The following SCTR variants were observed in gnomAD, a reference collection of about 807,000 sequenced individuals.
SCTR encodes secretin receptor, also known as pancreatic secretin receptor.
In SCTR, 56 loss-of-function variants were observed where a neutral mutation model predicts 60.8. That is an observed-to-expected ratio of 0.92 (90% CI 0.74 to 1.15). The LOEUF is 1.15. SCTR is among the 50% of genes most tolerant of loss of function. SCTR has a pLI of 0.00. For synonymous variants in SCTR, 202 were observed against 217.0 expected, an observed-to-expected ratio of 0.93 and a Z score of 0.61; for missense variants, 562 against 550.4, an observed-to-expected ratio of 1.02 and a Z score of -0.21.
chr2:119,505,372 A>G (rs1433946897), intron 1 of SCTR, among the ~76,000 whole-genome samples: 1 of 152,056 alleles, frequency 6.6e-6, no homozygotes, highest in Non-Finnish European at 1.5e-5. Flanking sequence ...ATCTAATGTT[A>G]AATGACTAGT....
chr2:119,470,301 C>T (rs73951116), intron 4 of SCTR, among the ~76,000 whole-genome samples: 4,696 of 152,186 alleles, frequency 0.031, 226 homozygotes, highest in African/African-American at 0.11. Context: ...AAAAGAAAAG[C>T]AACTAATACA....
At chr2:119,492,261 T>C (rs1326825999) in intron 2 of SCTR, among the ~76,000 whole-genome samples, 2 of 152,248 alleles carry the variant, frequency 1.3e-5, no homozygotes, top group African/African-American at 4.8e-5. Flanking sequence ...TTTTGTAATA[T>C]GCAACAAATA....
At chr2:119,465,753 G>T (rs372567781) in intron 5 of SCTR, 36 bp downstream of exon 5, 4 of 1,408,802 alleles carry the variant, frequency 2.8e-6, no homozygotes, top group African/African-American at 2.8e-5. Context: ...TACCTGAGGA[G>T]GGCTGGGGTA....
At chr2:119,481,966 A>G (rs1677629331) in intron 2 of SCTR, among the ~76,000 whole-genome samples, 1 of 152,286 alleles carries the variant, frequency 6.6e-6, no homozygotes, top group East Asian at 1.9e-4. Flanking sequence ...CTGTAATCCC[A>G]TGGCGGTGCC....
At chr2:119,446,936 C>T in intron 10 of SCTR, 51 bp from the exon 11 acceptor site, 1 of 1,388,382 alleles carries the variant, frequency 7.2e-7, no homozygotes, top group Non-Finnish European at 9.4e-7. Flanking sequence ...TGCGCCCTTT[C>T]TCCTCCTGTA....
intron 1 of SCTR, among the ~76,000 whole-genome samples, chr2:119,509,208 A>C (rs915145636): frequency 6.6e-6 from 1 of 152,116 alleles, no homozygotes; most frequent in Non-Finnish European, 1.5e-5. Flanking sequence ...GGTGTAGAAG[A>C]CTGAACCTAA....
At chr2:119,502,401 C>T (rs779377511) in intron 1 of SCTR, among the ~76,000 whole-genome samples, 1 of 152,142 alleles carries the variant, frequency 6.6e-6, no homozygotes, top group Non-Finnish European at 1.5e-5. Flanking sequence ...AAGAGACATA[C>T]CATGTTCATG....
intron 2 of SCTR, 138 bp from the exon 3 acceptor site, chr2:119,479,056 C>T (rs999078075): frequency 3.4e-6 from 5 of 1,479,596 alleles, no homozygotes; most frequent in African/African-American, 1.4e-5. Context: ...GGTGCTGACT[C>T]CTCAGGATCA....
intron 9 of SCTR, among the ~76,000 whole-genome samples, chr2:119,449,977 G>A (rs1683085454): frequency 7.2e-5 from 1 of 13,848 alleles, no homozygotes. Context: ...GGGAGGGAGG[G>A]AAGGAAGGAA....
chr2:119,506,003 A>G (rs1400591017), intron 1 of SCTR, among the ~76,000 whole-genome samples: 1 of 152,204 alleles, frequency 6.6e-6, no homozygotes, highest in Non-Finnish European at 1.5e-5. Flanking sequence ...TACAAAAGTA[A>G]CAACACCCAA....
intron 1 of SCTR, among the ~76,000 whole-genome samples, chr2:119,503,598 T>A (rs1197121890): frequency 6.6e-6 from 1 of 151,610 alleles, no homozygotes; most frequent in Non-Finnish European, 1.5e-5. Flanking sequence ...TTGGTGACAG[T>A]AAAAAAAATC....
chr2:119,484,362 G>A (rs564204822), intron 2 of SCTR, among the ~76,000 whole-genome samples: 3 of 152,152 alleles, frequency 2.0e-5, no homozygotes, highest in African/African-American at 7.2e-5. Flanking sequence ...AGGCTGGGAA[G>A]TTTAAGTGGG....
At chr2:119,483,906 A>C (rs1468541814) in intron 2 of SCTR, among the ~76,000 whole-genome samples, 2 of 151,716 alleles carry the variant, frequency 1.3e-5, no homozygotes, top group Non-Finnish European at 2.9e-5. Flanking sequence ...CCAGGCTTTG[A>C]ATGCAGCATC....
intron 2 of SCTR, among the ~76,000 whole-genome samples, chr2:119,488,484 G>A (rs1014718712): frequency 6.6e-6 from 1 of 152,258 alleles, no homozygotes; most frequent in Non-Finnish European, 1.5e-5. Flanking sequence ...AGGACCTGGC[G>A]GAAAGCGCTG....
chr2:119,473,808 CG>C (rs1159522540), intron 3 of SCTR, among the ~76,000 whole-genome samples: 2 of 152,312 alleles, frequency 1.3e-5, no homozygotes, highest in Non-Finnish European at 2.9e-5. Context: ...TCACCCCAGC[CG>C]GGTGCTGCTC....
intron 1 of SCTR, among the ~76,000 whole-genome samples, chr2:119,507,549 T>A (rs1245440889): frequency 6.6e-6 from 1 of 152,020 alleles, no homozygotes; most frequent in African/African-American, 2.4e-5. Context: ...CAGCAGTTAT[T>A]AGTTTAAAGA....
intron 1 of SCTR, among the ~76,000 whole-genome samples, chr2:119,508,099 C>T (rs1678809282): frequency 6.6e-6 from 1 of 152,130 alleles, no homozygotes; most frequent in South Asian, 2.1e-4. Context: ...TAAGGCGTGC[C>T]CATGAGATTA....
intron 1 of SCTR, among the ~76,000 whole-genome samples, chr2:119,500,672 A>G (rs1421394328): frequency 4.6e-5 from 7 of 152,210 alleles, no homozygotes; most frequent in Non-Finnish European, 1.0e-4. Context: ...GGAACTAAAA[A>G]GGTGGATCAC....
intron 11 of SCTR, among the ~76,000 whole-genome samples, chr2:119,444,155 A>C (rs1328600981): frequency 2.7e-5 from 4 of 146,394 alleles, no homozygotes; most frequent in Non-Finnish European, 6.0e-5. Flanking sequence ...ATATTCTTAT[A>C]TATATATACA....
Sources: allele counts gnomAD v4.1 joint callset (sites outside exome capture counted in the v4.1 genomes callset), GRCh38; gene constraint gnomAD v4.1.1; transcripts MANE v1.5; gene names NCBI Gene and HGNC (gene_info 2026-07-23, HGNC 2026-07-21).